The following DGKA variants were observed in gnomAD, a reference collection of about 807,000 sequenced individuals.
DGKA encodes the protein 80 kDa diacylglycerol kinase.
Under a neutral mutation model 105.0 loss-of-function variants are expected in DGKA, and 35 were observed. The observed-to-expected ratio is 0.33, with a 90% confidence interval of 0.25 to 0.44. DGKA has a LOEUF of 0.44. Among genes scored for constraint, DGKA ranks in the 20% least tolerant of loss-of-function variants. DGKA has a pLI of 1.00. For missense variants in DGKA, 665 were observed against 915.0 expected (o/e 0.73, Z 3.53); for synonymous variants, 296 against 332.0 (o/e 0.89, Z 1.18).
At chr12:55,927,344 AAC>A (rs777640366), upstream of DGKA, 34 of 740,508 alleles carry the variant, frequency 4.6e-5, no homozygotes, top group Middle Eastern at 2.3e-4. Flanking sequence ...CTGCCTGTAA[AAC>A]AGTCCTCAGG....
In DGKA at chr12:55,935,859, T is replaced by C. The variant is rs993354110; in HGVS notation, c.-81-564T>C. 15 of 985,266 alleles carry C rather than the reference T, an allele frequency of 1.5e-5. No individual in the cohort carries two copies. In the African/African-American group the frequency reaches 2.6e-4, roughly 17 times the overall value. The allele number at this position is 985,266 out of a possible 1,614,324, so 61.0% of individuals were successfully genotyped here. ...GTCAGAAGCGCTAGAGGTCGTTGCG[T>C]GGCGTGGGTGGCTCGGGGAGTGGGT... On this transcript the variant is annotated intron_variant, in intron 1 of 23. Transcript: ENST00000331886.
In DGKA at chr12:55,940,799, A is replaced by G. The variant is rs1255696465; in HGVS notation, c.1017+77A>G. The G allele has an allele frequency of 3.8e-6, 6 of 1,598,042 alleles. No individual in the cohort carries two copies. Among genetic ancestry groups the G allele is most frequent in the East Asian group, 2.2e-5 (1 of 44,822 alleles). ...CCACACGCACAGAGTGGCATTTAGA[A>G]TAGAGAGCTCATACTTTTAGGATTC... On this transcript the variant is annotated intron_variant, in intron 12 of 23. Coordinates refer to ENST00000331886, the MANE Select transcript of DGKA (RefSeq NM_001345.5). This position sits in a 1 kb window ranked among gnomAD's most constrained non-coding sequence, Gnocchi z 4.3.
At chr12:55,942,383 A>AC in intron 17 of DGKA, 120 bp downstream of exon 17, 1 of 884,996 alleles carries the variant, frequency 1.1e-6, no homozygotes, top group Admixed American at 2.2e-5. Flanking sequence ...AGGGGCACAG[A>AC]CAGGTGGATA....
At position 55,935,831 on chromosome 12, in the gene DGKA, C is replaced by T. The variant is rs755479722; in HGVS notation, c.-81-592C>T. The T allele has an allele frequency of 3.1e-6, 3 of 966,198 alleles. No homozygotes were observed. In the African/African-American group the frequency reaches 5.3e-5, roughly 17 times the overall value. The allele number at this position is 966,198 out of a possible 1,614,324, so 59.9% of individuals were successfully genotyped here. A position where few individuals can be genotyped will look rare whatever the true frequency, so the allele number is the denominator to read the frequency against. On this transcript the variant is annotated intron_variant, in intron 1 of 23. Transcript: ENST00000331886. ...CCTTGCCAGAGCTGGTTCTGTGTCG[C>T]GCGTCAGAAGCGCTAGAGGTCGTTG...
In DGKA at chr12:55,932,423, C is replaced by A; in HGVS notation, c.-82+1079C>A. 1.6e-6 allele frequency: 1 copy of A among 635,378 alleles called. No individual in the cohort carries two copies. The highest frequency in any genetic ancestry group is 2.9e-6 in the Non-Finnish European group (1 of 347,764). The allele number at this position is 635,378 out of a possible 1,614,324, so 39.4% of individuals were successfully genotyped here. The stretch of plus-strand genomic sequence containing the variant: ...CTCGGAGGGAAGTCCTCTTCGGAAC[C>A]TCCACAGTGCCGCACGGGTGGAGAA... On this transcript the variant is annotated intron_variant, in intron 1 of 23. Transcript: ENST00000331886. This position sits in a 1 kb window ranked among gnomAD's most constrained non-coding sequence, Gnocchi z 4.3.
At position 55,936,521 on chromosome 12, in the gene DGKA, C is replaced by A. The variant is rs1592673980; in HGVS notation, c.18C>A (p.Gly6=). The A allele has an allele frequency of 6.2e-7, 1 of 1,614,046 alleles. No homozygotes were observed. The highest frequency in any genetic ancestry group is 1.1e-5 in the South Asian group (1 of 91,084). The change falls in exon 2 of 24, where the codon GGC becomes GGA. Residue 6 remains glycine, a synonymous_variant. Coordinates refer to ENST00000331886, the MANE Select transcript of DGKA (RefSeq NM_001345.5). ...ATAGACAGATGGCCAAGGAGAGGGG[C>A]CTAATAAGCCCCAGTGATTTTGCCC... MAKER[G]LISPSDFAQL...
chr12:55,927,842 G>A, upstream of DGKA: 2 of 1,498,876 alleles, frequency 1.3e-6, no homozygotes, highest in Admixed American at 2.1e-5. Flanking sequence ...GGATTCGGCG[G>A]CGAAGTGATG....
At position 55,937,501 on chromosome 12, in the gene DGKA, T is replaced by C. The variant is rs749234038; in HGVS notation, c.232T>C (p.Phe78Leu). The change falls in exon 4 of 24, where the codon TTT becomes CTT. Residue 78 changes from phenylalanine to leucine, a missense_variant. By Grantham distance (22) the Phe-to-Leu change is conservative. Transcript: ENST00000331886. The part of the protein sequence containing the change: ...RHLSLALFQS[F>L]ETGHCLNETN... ...CCTAAGCCTGGCACTGTTTCAATCC[T>C]TTGAGACTGGTCACTGCTTAAATGA... 1 of 1,614,174 alleles carries C rather than the reference T, an allele frequency of 6.2e-7. No homozygotes were observed.
At chr12:55,928,872 C>G (rs1375145345), upstream of DGKA, among the ~76,000 whole-genome samples, 1 of 151,264 alleles carries the variant, frequency 6.6e-6, no homozygotes, top group Admixed American at 6.6e-5. Flanking sequence ...AAAGTATTTC[C>G]AGGCCGGGTG....
intron 1 of DGKA, chr12:55,933,685 C>T (rs926929676): frequency 2.6e-5 from 4 of 152,184 alleles, no homozygotes; most frequent in Non-Finnish European, 4.4e-5. Context: ...GTCATCCTCC[C>T]AGAGGCAAAG....
chr12:55,949,429 C>T (rs1041323757), intron 17 of DGKA, among the ~76,000 whole-genome samples: 6 of 152,172 alleles, frequency 3.9e-5, no homozygotes, highest in Non-Finnish European at 8.8e-5. Context: ...GAACTCCTGA[C>T]CTTAGGTGAT....
intron 8 of DGKA, 24 bp from the exon 9 acceptor site, chr12:55,939,391 C>G (rs756640667): frequency 2.5e-6 from 4 of 1,613,946 alleles, no homozygotes; most frequent in Non-Finnish European, 3.4e-6. Context: ...TTGACACTCC[C>G]TAGCATCTAC....
Position 55,940,438 on chromosome 12 carries a change from G to C in DGKA, c.918+5G>C. 1 of 1,613,926 alleles carries C rather than the reference G, an allele frequency of 6.2e-7. No individual in the cohort carries two copies. Among genetic ancestry groups the C allele is most frequent in the Non-Finnish European group, 8.5e-7 (1 of 1,179,916 alleles). On this transcript the variant is annotated splice_donor_5th_base_variant and intron_variant, in intron 11 of 23. Coordinates refer to ENST00000331886, the MANE Select transcript of DGKA (RefSeq NM_001345.5). The surrounding 1 kb of genome is among the most constrained non-coding windows in gnomAD (Gnocchi z 4.3). ...TGTGTATGGTGCCACCTAGAGGTCA[G>C]TTTGGGAGCCATCCCTTCTGGGTGC...
chr12:55,939,009 A>G lies in DGKA; in HGVS notation c.474+20A>G, dbSNP rs757261287. The G allele has an allele frequency of 9.3e-6, 15 of 1,613,974 alleles. No individual in the cohort carries two copies. Among genetic ancestry groups the G allele is most frequent in the Middle Eastern group, 1.6e-4 (1 of 6,084 alleles). ...AGGCCGGTAAGGCAGCTCTTCCTTC[A>G]TGTCCCTTCTTGTACCTTCTTCCCT... On this transcript the variant is annotated intron_variant, in intron 7 of 23. Coordinates refer to ENST00000331886, the MANE Select transcript of DGKA (RefSeq NM_001345.5).
chr12:55,948,877 G>C lies in DGKA; in HGVS notation c.1427-2746G>C, dbSNP rs537688456. Reference sequence around the variant, plus strand: ...TCTCTACTAAAAATACAAAAAATTAGCTGGGCCTGGTGGCACACGCCTGTA... The same window carrying C: ...TCTCTACTAAAAATACAAAAAATTACCTGGGCCTGGTGGCACACGCCTGTA... On this transcript the variant is annotated intron_variant, in intron 17 of 23. Coordinates refer to ENST00000331886, the MANE Select transcript of DGKA (RefSeq NM_001345.5). 1.2e-3 allele frequency among the ~76,000 whole-genome samples: 186 copies of C among 151,828 alleles called. 3 individuals carry two copies. The highest frequency in any genetic ancestry group is 3.4e-3 in the Middle Eastern group (1 of 294).
intron 15 of DGKA, 117 bp downstream of exon 15, chr12:55,941,701 G>GAATATTT (rs1886044202): frequency 2.4e-5 from 26 of 1,095,592 alleles, no homozygotes; most frequent in Non-Finnish European, 3.3e-5. Flanking sequence ...ATCCCCAAGA[G>GAATATTT]GCCAGAATTC....
intron 17 of DGKA, among the ~76,000 whole-genome samples, chr12:55,950,642 A>G (rs1348583567): frequency 2.0e-5 from 3 of 151,724 alleles, no homozygotes; most frequent in African/African-American, 7.3e-5. Flanking sequence ...AGGTTTTGCC[A>G]TATTGTCCAG....
intron 18 of DGKA, 66 bp from the exon 19 acceptor site, chr12:55,951,969 G>A: frequency 1.3e-6 from 2 of 1,593,448 alleles, no homozygotes; most frequent in South Asian, 1.1e-5. Context: ...GGGGACTTGG[G>A]AAAGAGGGGA....
Position 55,942,214 on chromosome 12 carries a change from G to GC in DGKA, c.1381dup (p.Leu461ProfsTer6). On this transcript the variant is annotated frameshift_variant, in exon 17 of 24. Coordinates refer to ENST00000331886, the MANE Select transcript of DGKA (RefSeq NM_001345.5). LOFTEE classifies it high-confidence loss of function. ...CAGTTTTGCCTCCTGTTGCTGTGTT[G>GC]CCCCTGGGTACTGGAAATGATCTGG... is the stretch of plus-strand genomic sequence containing the variant. 6.2e-7 allele frequency: 1 copy of GC among 1,614,208 alleles called. No homozygotes were observed. Among genetic ancestry groups the GC allele is most frequent in the Non-Finnish European group, 8.5e-7 (1 of 1,180,046 alleles).
Sources: allele counts gnomAD v4.1 joint callset (sites outside exome capture counted in the v4.1 genomes callset), GRCh38; gene constraint gnomAD v4.1.1; non-coding constraint Gnocchi (gnomAD v3.1); transcripts MANE v1.5; gene names NCBI Gene and HGNC (gene_info 2026-07-23, HGNC 2026-07-21).